The following CDH13 variants were observed in gnomAD, a reference collection of about 807,000 sequenced individuals.
CDH13 encodes the protein cadherin-13.
CDH13 carries 24 observed loss-of-function variants against 63.8 expected under a neutral mutation model. The observed-to-expected ratio is 0.38, with a 90% CI of 0.27 to 0.53. The LOEUF is 0.53. Ranked by LOEUF, CDH13 falls within the 20% of genes least tolerant of loss-of-function variation. The pLI is 0.85. For missense variants in CDH13, 1,049 were observed against 903.1 expected, an observed-to-expected ratio of 1.16 and a Z score of -2.07; for synonymous variants, 503 against 355.3, an observed-to-expected ratio of 1.42 and a Z score of -4.67.
chr16:82,733,757 A>G (rs529092801), intron 1 of CDH13, among the ~76,000 whole-genome samples: 1 of 152,366 alleles, frequency 6.6e-6, no homozygotes, highest in Non-Finnish European at 1.5e-5. Context: ...TGGCAAAAGG[A>G]ACTGCTTAAG....
chr16:83,000,324 C>A (rs12934141), intron 2 of CDH13, among the ~76,000 whole-genome samples: 1 of 137,046 alleles, frequency 7.3e-6, no homozygotes, highest in African/African-American at 2.7e-5. Context: ...TCTCGGCTCG[C>A]TGCAACCTCC....
chr16:83,369,321 T>G (rs1042652795), intron 6 of CDH13, among the ~76,000 whole-genome samples: 37 of 152,098 alleles, frequency 2.4e-4, no homozygotes, highest in African/African-American at 8.9e-4. Context: ...TTTTTTTTCC[T>G]GAACACACCA....
chr16:83,532,217 C>T (rs1598235367), intron 7 of CDH13, among the ~76,000 whole-genome samples: 2 of 152,226 alleles, frequency 1.3e-5, no homozygotes, highest in Middle Eastern at 6.8e-3. Flanking sequence ...TGCATATTGC[C>T]CAGTCTCAGG....
At chr16:83,412,852 C>T (rs1203468417) in intron 6 of CDH13, among the ~76,000 whole-genome samples, 2 of 152,196 alleles carry the variant, frequency 1.3e-5, no homozygotes, top group Non-Finnish European at 2.9e-5. Flanking sequence ...TTGGGAAATT[C>T]CCAGAACAGT....
chr16:83,210,939 G>A (rs553455487), intron 4 of CDH13, among the ~76,000 whole-genome samples: 12 of 151,632 alleles, frequency 7.9e-5, no homozygotes, highest in Non-Finnish European at 1.6e-4. Context: ...CACAAGGTCA[G>A]GAGATTGAGA....
intron 2 of CDH13, among the ~76,000 whole-genome samples, chr16:82,947,769 A>G (rs188032739): frequency 2.6e-5 from 4 of 152,336 alleles, no homozygotes; most frequent in Admixed American, 2.0e-4. Flanking sequence ...CTTAGAGTTT[A>G]TCTTCCATAT....
At chr16:83,278,485 T>A in intron 5 of CDH13, among the ~76,000 whole-genome samples, 1 of 152,140 alleles carries the variant, frequency 6.6e-6, no homozygotes, top group East Asian at 1.9e-4. Flanking sequence ...CCAGTTTCCA[T>A]GGTGTGAAGA....
intron 1 of CDH13, among the ~76,000 whole-genome samples, chr16:82,814,832 A>G (rs1007839986): frequency 1.3e-5 from 2 of 152,086 alleles, no homozygotes; most frequent in African/African-American, 2.4e-5. Context: ...AGTAGGGGAC[A>G]GTCTTGGAGG....
intron 11 of CDH13, among the ~76,000 whole-genome samples, chr16:83,758,519 A>G (rs1332392907): frequency 6.6e-6 from 1 of 152,236 alleles, no homozygotes; most frequent in African/African-American, 2.4e-5. Flanking sequence ...ATGGTGAAAT[A>G]GTAAAAACTT....
intron 3 of CDH13, among the ~76,000 whole-genome samples, chr16:83,052,799 A>AGAAAGAAAGAAATTAAACCTTAAATAGC (rs2030504729): frequency 7.5e-6 from 1 of 133,176 alleles, no homozygotes; most frequent in African/African-American, 2.6e-5. Flanking sequence ...AAAAAAAAAA[A>AGAAAGAAAGAAATTAAACCTTAAATAGC]AAAAAGAAAG....
At chr16:82,812,978 A>G (rs1479004515) in intron 1 of CDH13, among the ~76,000 whole-genome samples, 1 of 152,146 alleles carries the variant, frequency 6.6e-6, no homozygotes, top group East Asian at 1.9e-4. Context: ...TCAAAACATA[A>G]GAGGGACCTG....
At chr16:82,818,692 CA>C (rs377514948) in intron 1 of CDH13, among the ~76,000 whole-genome samples, 1 of 151,682 alleles carries the variant, frequency 6.6e-6, no homozygotes, top group Admixed American at 6.6e-5. Context: ...GGGCATTTTC[CA>C]AAAAAAAGGC....
At chr16:83,147,765 T>A (rs1368476887) in intron 4 of CDH13, among the ~76,000 whole-genome samples, 2 of 152,152 alleles carry the variant, frequency 1.3e-5, no homozygotes, top group Non-Finnish European at 2.9e-5. Context: ...CACCTGAGTA[T>A]CTTCTTCCCA....
chr16:83,671,866 G>A (rs1054439196), intron 9 of CDH13, among the ~76,000 whole-genome samples: 2 of 152,230 alleles, frequency 1.3e-5, no homozygotes, highest in Non-Finnish European at 2.9e-5. Flanking sequence ...ATTAGTGGGG[G>A]TGGTAGCACA....
intron 4 of CDH13, among the ~76,000 whole-genome samples, chr16:83,131,974 A>C (rs182606806): frequency 3.0e-4 from 46 of 152,314 alleles, no homozygotes; most frequent in African/African-American, 8.7e-4. Context: ...GGTAATTTAC[A>C]TCAGCTTTGC....
At chr16:83,452,220 C>T (rs760445889) in intron 6 of CDH13, among the ~76,000 whole-genome samples, 3 of 152,152 alleles carry the variant, frequency 2.0e-5, no homozygotes, top group Non-Finnish European at 2.9e-5. Context: ...TTGTGACAGT[C>T]GGTAGTATGT....
intron 8 of CDH13, among the ~76,000 whole-genome samples, chr16:83,634,016 G>A (rs374639959): frequency 1.3e-5 from 2 of 151,954 alleles, no homozygotes; most frequent in South Asian, 2.1e-4. Context: ...TAGTAACATC[G>A]CCTATAACTG....
rs1420940039 is a variant in CDH13, at chr16:82,627,261, C to G, written c.45+124C>G. On this transcript the variant is annotated intron_variant, in intron 1 of 13. Transcript: ENST00000567109. ...TCCGGTCGCGGCGGCGAAGACAGATCGGGGCTCGGTAGGGAGGTCATTCCG... is the reference window on the plus strand; with the variant it reads ...TCCGGTCGCGGCGGCGAAGACAGATGGGGGCTCGGTAGGGAGGTCATTCCG... 3.8e-6 allele frequency: 3 copies of G among 798,300 alleles called. No individual in the cohort carries two copies. In the Admixed American group the frequency reaches 6.1e-5, roughly 16 times the overall value. The allele number at this position is 798,300 out of a possible 1,614,324, so 49.5% of individuals were successfully genotyped here.
At chr16:83,128,028 C>T (rs1462303965) in intron 4 of CDH13, among the ~76,000 whole-genome samples, 2 of 152,144 alleles carry the variant, frequency 1.3e-5, no homozygotes, top group South Asian at 2.1e-4. Context: ...CTTCAAAACT[C>T]TTCCCAAACA....
Sources: allele counts gnomAD v4.1 joint callset (sites outside exome capture counted in the v4.1 genomes callset), GRCh38; gene constraint gnomAD v4.1.1; transcripts MANE v1.5; gene names NCBI Gene and HGNC (gene_info 2026-07-23, HGNC 2026-07-21).